The following LRRC8D variants were observed in gnomAD, a reference collection of about 807,000 sequenced individuals.
LRRC8D encodes leucine rich repeat containing 8 VRAC subunit D, also known as volume-regulated anion channel subunit LRRC8D.
Under a neutral mutation model 55.8 loss-of-function variants are expected in LRRC8D, and 20 were observed. That is an observed-to-expected ratio of 0.36 (90% CI 0.25 to 0.52). The LOEUF (loss-of-function observed/expected upper bound fraction) is 0.52. LRRC8D is among the 20% of genes least tolerant of loss of function. LRRC8D has a pLI of 0.93. For missense variants in LRRC8D, 651 were observed against 1,030.8 expected (o/e 0.63, Z 5.05); for synonymous variants, 352 against 377.0 (o/e 0.93, Z 0.77).
chr1:89,848,071 C>G (rs1258258620), intron 2 of LRRC8D, among the ~76,000 whole-genome samples: 18 of 152,106 alleles, frequency 1.2e-4, no homozygotes, highest in Admixed American at 1.2e-3. Context: ...GGAATTTTTC[C>G]TCTTTGTTGT....
Position 89,933,021 on chromosome 1 carries a change from T to C in LRRC8D, c.-2-46T>C. On this transcript the variant is annotated intron_variant, in intron 2 of 2. Coordinates refer to ENST00000337338, the MANE Select transcript of LRRC8D (RefSeq NM_001134479.2). The surrounding 1 kb of genome is among the most constrained non-coding windows in gnomAD (Gnocchi z 7.0). ...ATAGGGTTTTTCTCATTTACTCTTT[T>C]CATTTGCATCTCTAGAATAATGTCT... 1 of 1,543,482 alleles carries C rather than the reference T, an allele frequency of 6.5e-7. No individual in the cohort carries two copies. Among genetic ancestry groups the C allele is most frequent in the Non-Finnish European group, 8.8e-7 (1 of 1,136,240 alleles).
chr1:89,835,084 C>T (rs572968695), intron 1 of LRRC8D, among the ~76,000 whole-genome samples: 1 of 152,182 alleles, frequency 6.6e-6, no homozygotes, highest in South Asian at 2.1e-4. Context: ...CACTAGGCTG[C>T]ATCTAAGGAT....
intron 2 of LRRC8D, among the ~76,000 whole-genome samples, chr1:89,909,591 G>A (rs1372761020): frequency 1.3e-5 from 2 of 152,066 alleles, no homozygotes; most frequent in East Asian, 3.9e-4. Flanking sequence ...GTAGGGCCAG[G>A]CACGGTGGCT....
At position 89,934,525 on chromosome 1, in the gene LRRC8D, T is replaced by C; in HGVS notation, c.1457T>C (p.Val486Ala). ...ATGCTGTCGGGGGTGCCCGATGCTG[T>C]CTTTGACCTCACAGACCTGGATGTG... ...LFMLSGVPDA[V>A]FDLTDLDVLK... is the part of the protein sequence containing the mutation. The change falls in exon 3 of 3, where the codon GTC (valine) becomes GCC (alanine). Residue 486 changes from valine to alanine, a missense_variant. Coordinates refer to ENST00000337338, the MANE Select transcript of LRRC8D (RefSeq NM_001134479.2). The surrounding 1 kb of genome is among the most constrained non-coding windows in gnomAD (Gnocchi z 5.9). The C allele has an allele frequency of 6.2e-7, 1 of 1,614,218 alleles. No homozygotes were observed. The highest frequency in any genetic ancestry group is 8.5e-7 in the Non-Finnish European group (1 of 1,180,042).
At chr1:89,924,833 A>G (rs559678115) in intron 2 of LRRC8D, among the ~76,000 whole-genome samples, 39 of 152,322 alleles carry the variant, frequency 2.6e-4, no homozygotes, top group African/African-American at 9.4e-4. Context: ...CAAATACCAC[A>G]TGTTCTCACT....
chr1:89,887,756 A>T (rs1219876618), intron 2 of LRRC8D, among the ~76,000 whole-genome samples: 1 of 152,170 alleles, frequency 6.6e-6, no homozygotes, highest in Non-Finnish European at 1.5e-5. Flanking sequence ...TGCAATCAAA[A>T]TTTCTGCAGC....
At chr1:89,858,216 A>G (rs1289869428) in intron 2 of LRRC8D, among the ~76,000 whole-genome samples, 2 of 152,208 alleles carry the variant, frequency 1.3e-5, no homozygotes, top group African/African-American at 4.8e-5. Context: ...GAGCGACAAG[A>G]GTGAAACTCC....
chr1:89,898,259 T>C (rs1198110397), intron 2 of LRRC8D, among the ~76,000 whole-genome samples: 1 of 152,058 alleles, frequency 6.6e-6, no homozygotes, highest in Admixed American at 6.6e-5. Context: ...CATGGGAGGA[T>C]GGTGAAAAAT....
At chr1:89,839,903 A>G (rs1661091587) in intron 1 of LRRC8D, among the ~76,000 whole-genome samples, 1 of 152,234 alleles carries the variant, frequency 6.6e-6, no homozygotes, top group African/African-American at 2.4e-5. Context: ...TTAACCGCCA[A>G]ACTAAGATCT....
At chr1:89,923,107 T>C (rs947905164) in intron 2 of LRRC8D, among the ~76,000 whole-genome samples, 1 of 152,226 alleles carries the variant, frequency 6.6e-6, no homozygotes, top group African/African-American at 2.4e-5. Flanking sequence ...CCAATAACTT[T>C]CCCTTTTCAG....
chr1:89,896,837 G>T (rs546876627), intron 2 of LRRC8D, among the ~76,000 whole-genome samples: 3 of 152,146 alleles, frequency 2.0e-5, no homozygotes, highest in South Asian at 4.2e-4. Context: ...TATATAGTGC[G>T]AAATAAACAT....
At chr1:89,917,318 T>C (rs1341996057) in intron 2 of LRRC8D, among the ~76,000 whole-genome samples, 15 of 152,186 alleles carry the variant, frequency 9.9e-5, no homozygotes, top group Non-Finnish European at 2.9e-5. Context: ...CCTGATCTTA[T>C]ATCTTCCCTC....
intron 1 of LRRC8D, among the ~76,000 whole-genome samples, chr1:89,825,896 T>A (rs951115565): frequency 3.3e-5 from 5 of 152,182 alleles, no homozygotes; most frequent in Non-Finnish European, 5.9e-5. Context: ...GAAGGAGAGC[T>A]AGAGGAAAAT....
chr1:89,827,119 G>A (rs2100696611), intron 1 of LRRC8D, among the ~76,000 whole-genome samples: 1 of 152,252 alleles, frequency 6.6e-6, no homozygotes, highest in African/African-American at 2.4e-5. Context: ...GGGAGGCTGA[G>A]GTGGGCAGAT....
chr1:89,866,873 A>G (rs1232984670), intron 2 of LRRC8D, among the ~76,000 whole-genome samples: 4 of 150,336 alleles, frequency 2.7e-5, no homozygotes, highest in Non-Finnish European at 4.5e-5. Context: ...CAAGTGTATC[A>G]ATCAGATAGA....
chr1:89,913,723 G>C (rs1181650301), intron 2 of LRRC8D, among the ~76,000 whole-genome samples: 1 of 152,148 alleles, frequency 6.6e-6, no homozygotes, highest in African/African-American at 2.4e-5. Context: ...AATATTTTCT[G>C]AAAGATGATA....
intron 2 of LRRC8D, among the ~76,000 whole-genome samples, chr1:89,881,275 G>A (rs1441116047): frequency 4.6e-5 from 7 of 152,128 alleles, no homozygotes; most frequent in Non-Finnish European, 8.8e-5. Flanking sequence ...ATTCTCCTTC[G>A]ATTGCATATT....
At chr1:89,853,367 G>A (rs957457615) in intron 2 of LRRC8D, among the ~76,000 whole-genome samples, 1 of 152,190 alleles carries the variant, frequency 6.6e-6, no homozygotes, top group Non-Finnish European at 1.5e-5. Flanking sequence ...TGAGCCCCAG[G>A]AGAGAAGTGA....
intron 1 of LRRC8D, among the ~76,000 whole-genome samples, chr1:89,826,633 T>C (rs1255802534): frequency 6.6e-6 from 1 of 152,188 alleles, no homozygotes; most frequent in Non-Finnish European, 1.5e-5. Flanking sequence ...AGTGACAGAG[T>C]AGGCATTAGA....
Sources: gnomAD v4.1 joint callset for allele counts (sites outside exome capture counted in the v4.1 genomes callset) on GRCh38, gnomAD v4.1.1 for gene constraint, Gnocchi (gnomAD v3.1) non-coding constraint, MANE v1.5 for transcripts, NCBI Gene and HGNC (gene_info 2026-07-23, HGNC 2026-07-21) for gene names.